ZGPAT: variants seen among roughly 807,000 people sequenced by gnomAD.
ZGPAT encodes zinc finger CCCH-type and G-patch domain containing, also known as zinc finger CCCH-type with G patch domain-containing protein.
ZGPAT carries 39 observed loss-of-function variants against 47.9 expected under a neutral mutation model. The observed-to-expected ratio is 0.81, with a 90% CI of 0.63 to 1.06. ZGPAT has a LOEUF of 1.06. Ranked by LOEUF, ZGPAT falls within the 50% of genes least tolerant of loss-of-function variation. The pLI, the probability that ZGPAT is intolerant of heterozygous loss-of-function variation, is 0.00. For synonymous variants in ZGPAT, 348 were observed against 292.9 expected (o/e 1.19, Z -1.92); for missense variants, 717 against 681.4 (o/e 1.05, Z -0.58).
chr20:63,733,551 C>G (rs368446329), intron 3 of ZGPAT, 36 bp from the exon 4 acceptor site: 2 of 1,613,898 alleles, frequency 1.2e-6, no homozygotes, highest in African/African-American at 2.7e-5. Context: ...CACCTGCTGT[C>G]AAGGATTCTG....
In ZGPAT at chr20:63,715,085, G is replaced by A. The variant is rs185670354; in HGVS notation, c.584+5921G>A. 2.1e-3 allele frequency among the ~76,000 whole-genome samples: 312 copies of A among 151,764 alleles called. 1 individual carries two copies. Among genetic ancestry groups the A allele is most frequent in the African/African-American group, 7.2e-3 (296 of 41,366 alleles). ...CAGATAAAGCACGCATATTCATGGC[G>A]TATTATCTCTTTATTATTATTATTT... is the stretch of plus-strand genomic sequence containing the variant. On this transcript the variant is annotated intron_variant, in intron 2 of 6. Coordinates refer to ENST00000355969, the MANE Select transcript of ZGPAT (RefSeq NM_181485.3).
At chr20:63,716,706 G>T (rs186987532) in intron 2 of ZGPAT, among the ~76,000 whole-genome samples, 1 of 151,732 alleles carries the variant, frequency 6.6e-6, no homozygotes, top group East Asian at 1.9e-4. Context: ...TTTTTGAGAC[G>T]GAGTCTGTTT....
chr20:63,708,649 C>T lies in ZGPAT; in HGVS notation c.69C>T (p.Ala23=), dbSNP rs1299767013. 3.7e-6 allele frequency: 6 copies of T among 1,612,296 alleles called. No homozygotes were observed. The highest frequency in any genetic ancestry group is 1.7e-5 in the Admixed American group (1 of 59,996). The change falls in exon 2 of 7, where the codon GCC becomes GCT. Residue 23 remains alanine (A), a synonymous_variant. Coordinates refer to ENST00000355969, the MANE Select transcript of ZGPAT (RefSeq NM_181485.3). ...YRAQLQQVEL[A]LGAGLDSSEQ... is the part of the protein sequence containing the mutation. ...CGCAGCTGCAGCAGGTGGAGCTGGC[C>T]TTGGGCGCCGGCCTGGATTCGTCTG...
chr20:63,733,918 C>T, intron 4 of ZGPAT, 179 bp downstream of exon 4: 1 of 748,222 alleles, frequency 1.3e-6, no homozygotes, highest in Admixed American at 3.0e-5. Context: ...CGGCCTTTAT[C>T]TTCAAGGAGT....
chr20:63,725,230 C>T (rs1026516800), intron 2 of ZGPAT, among the ~76,000 whole-genome samples: 39 of 151,842 alleles, frequency 2.6e-4, no homozygotes, highest in Admixed American at 1.9e-3. Flanking sequence ...GTGATCCGCC[C>T]GCCTTGGCCT....
At chr20:63,732,984 C>T (rs1369700923) in intron 2 of ZGPAT, among the ~76,000 whole-genome samples, 1 of 149,856 alleles carries the variant, frequency 6.7e-6, no homozygotes, top group East Asian at 2.0e-4. Context: ...GCATGTGTAT[C>T]TGTATGTGCG....
At position 63,709,052 on chromosome 20, in the gene ZGPAT, G is replaced by A. The variant is rs781162866; in HGVS notation, c.472G>A (p.Ala158Thr). ...HNAMVVGTEE[A>T]EDGSAGVRVL... ...CGCCATGGTGGTGGGAACGGAAGAG[G>A]CGGAGGATGGCTCGGCGGGTGTCCG... The change falls in exon 2 of 7, where the codon GCG becomes ACG. Residue 158 changes from alanine (A) to threonine (T), a missense_variant. Transcript: ENST00000355969. 1 of 1,613,730 alleles carries A rather than the reference G, an allele frequency of 6.2e-7. No homozygotes were observed. Among genetic ancestry groups the A allele is most frequent in the Non-Finnish European group, 8.5e-7 (1 of 1,180,020 alleles).
At chr20:63,710,361 C>T (rs2145635200) in intron 2 of ZGPAT, among the ~76,000 whole-genome samples, 1 of 151,434 alleles carries the variant, frequency 6.6e-6, no homozygotes, top group South Asian at 2.1e-4. Context: ...ACCATCTTGG[C>T]CAGGCTGGTC....
chr20:63,733,934 T>C, intron 4 of ZGPAT, 195 bp downstream of exon 4: 1 of 662,904 alleles, frequency 1.5e-6, no homozygotes, highest in South Asian at 2.0e-5. Flanking sequence ...GGAGTGTGGG[T>C]GCAACAGCTA....
intron 2 of ZGPAT, among the ~76,000 whole-genome samples, chr20:63,715,134 G>T (rs901279704): frequency 4.6e-5 from 7 of 151,468 alleles, no homozygotes; most frequent in Non-Finnish European, 7.4e-5. Context: ...ATTTCACTCT[G>T]TTGCCCAAGC....
chr20:63,733,296 G>A lies in ZGPAT; in HGVS notation c.662G>A (p.Gly221Asp). The part of the protein sequence containing the change: ...QDPDLSSLQA[G>D]SACLAKHQDG... ...CCAGACCTGAGCTCCCTGCAGGCCG[G>A]CTCTGCGTGTCTGGCCAAGCACCAG... The change falls in exon 3 of 7, where the codon GGC (glycine) becomes GAC (aspartate). Residue 221 changes from glycine (G) to aspartate (D), a missense_variant. By Grantham distance (94) the Gly-to-Asp change is moderately conservative. Coordinates refer to ENST00000355969, the MANE Select transcript of ZGPAT (RefSeq NM_181485.3). The A allele has an allele frequency of 6.2e-7, 1 of 1,613,502 alleles. No individual in the cohort carries two copies.
At chr20:63,728,981 A>C (rs1182894958) in intron 2 of ZGPAT, among the ~76,000 whole-genome samples, 1 of 152,048 alleles carries the variant, frequency 6.6e-6, no homozygotes, top group African/African-American at 2.4e-5. Flanking sequence ...AAAAGTTCTA[A>C]ATCAGTGAGT....
chr20:63,718,171 G>A (rs893860923), intron 2 of ZGPAT, among the ~76,000 whole-genome samples: 1 of 152,030 alleles, frequency 6.6e-6, no homozygotes, highest in Non-Finnish European at 1.5e-5. Flanking sequence ...ATGGGCAAGA[G>A]CCACCGCACC....
chr20:63,732,981 T>G (rs925117335), intron 2 of ZGPAT, among the ~76,000 whole-genome samples: 1 of 151,868 alleles, frequency 6.6e-6, no homozygotes, highest in Non-Finnish European at 1.5e-5. Flanking sequence ...TGTGCATGTG[T>G]ATCTGTATGT....
In ZGPAT at chr20:63,735,404, G is replaced by C. The variant is rs17855481; in HGVS notation, c.1237G>C (p.Gly413Arg). 2.6e-6 allele frequency: 4 copies of C among 1,563,724 alleles called. No homozygotes were observed. In the East Asian group the frequency reaches 9.1e-5, roughly 36 times the overall value. ...TCAGGCTCCTGGGGCCCTAGAAGCC[G>C]GGGCGGCCCCAGCGGGGAGGAGGAG... ...QGQAPGALEA[G>R]AAPAGRRSKD... Residue 413 changes from glycine to arginine, a missense_variant, in exon 6 of 7, where the codon GGG becomes CGG. By Grantham distance (125) the Gly-to-Arg change is moderately radical (BLOSUM62 -2). Coordinates refer to ENST00000355969, the MANE Select transcript of ZGPAT (RefSeq NM_181485.3).
At chr20:63,729,519 T>C (rs796621310) in intron 2 of ZGPAT, among the ~76,000 whole-genome samples, 24 of 152,316 alleles carry the variant, frequency 1.6e-4, no homozygotes, top group African/African-American at 5.8e-4. Context: ...TTTTCTCTTG[T>C]GAAATCCATC....
intron 2 of ZGPAT, 86 bp from the exon 3 acceptor site, chr20:63,733,133 G>C: frequency 6.5e-7 from 1 of 1,547,714 alleles, no homozygotes; most frequent in Non-Finnish European, 8.8e-7. Flanking sequence ...TCAGGACAGT[G>C]CCCAGGCGGA....
chr20:63,731,096 C>T (rs2091896801), intron 2 of ZGPAT, among the ~76,000 whole-genome samples: 1 of 152,100 alleles, frequency 6.6e-6, no homozygotes, highest in Non-Finnish European at 1.5e-5. Flanking sequence ...CAGTCATGCA[C>T]ATACACACCC....
intron 2 of ZGPAT, among the ~76,000 whole-genome samples, chr20:63,732,512 C>CACGTGT (rs2091923215): frequency 5.0e-5 from 5 of 99,884 alleles, no homozygotes; most frequent in South Asian, 3.8e-4. Context: ...GGCACGTGTG[C>CACGTGT]GCGCGTGTGG....
Sources: allele counts gnomAD v4.1 joint callset (sites outside exome capture counted in the v4.1 genomes callset), GRCh38; gene constraint gnomAD v4.1.1; transcripts MANE v1.5; gene names NCBI Gene and HGNC (gene_info 2026-07-23, HGNC 2026-07-21).